ADD3: variants seen among roughly 807,000 people sequenced by gnomAD.
ADD3 encodes adducin 3, also known as gamma-adducin.
ADD3 carries 25 observed loss-of-function variants against 80.2 expected under a neutral mutation model. The observed-to-expected ratio is 0.31, with a 90% CI of 0.23 to 0.44. ADD3 has a LOEUF of 0.44. Ranked by LOEUF, ADD3 falls within the 20% of genes least tolerant of loss-of-function variation. The pLI is 1.00. For missense variants in ADD3, 829 were observed against 847.5 expected, an observed-to-expected ratio of 0.98 and a Z score of 0.27; for synonymous variants, 284 against 289.6, an observed-to-expected ratio of 0.98 and a Z score of 0.20.
intron 1 of ADD3, among the ~76,000 whole-genome samples, chr10:110,013,338 A>G (rs1589719877): frequency 1.3e-5 from 2 of 152,090 alleles, no homozygotes; most frequent in East Asian, 3.9e-4. Context: ...CCTGACCTCA[A>G]GTGTTCCTCC....
chr10:110,011,814 G>C (rs954129134), intron 1 of ADD3, among the ~76,000 whole-genome samples: 3 of 152,296 alleles, frequency 2.0e-5, no homozygotes, highest in Non-Finnish European at 4.4e-5. Flanking sequence ...TCTATGGTTT[G>C]AACTCCGGGT....
At chr10:110,105,862 A>G (rs900910502) in intron 2 of ADD3, 11 of 152,214 alleles carry the variant, frequency 7.2e-5, no homozygotes, top group African/African-American at 2.2e-4. Flanking sequence ...GGTATTCTTA[A>G]CTTTATTTAC....
chr10:110,121,007 G>T (rs1163737665), intron 8 of ADD3, among the ~76,000 whole-genome samples: 2 of 151,748 alleles, frequency 1.3e-5, no homozygotes, highest in East Asian at 1.9e-4. Context: ...ATTCAAGATG[G>T]ATTAAAGATT....
chr10:110,063,752 T>TATAATATATATATATATATATATATA (rs1459182551), intron 1 of ADD3, among the ~76,000 whole-genome samples: 1 of 52,002 alleles, frequency 1.9e-5, no homozygotes, highest in African/African-American at 6.1e-5. Context: ...TATATATATA[T>TATAATATATATATATATATATATATA]ATATATATAT....
intron 1 of ADD3, among the ~76,000 whole-genome samples, chr10:110,039,699 AG>A (rs1856065959): frequency 6.6e-6 from 1 of 152,246 alleles, no homozygotes; most frequent in Non-Finnish European, 1.5e-5. Context: ...ATCCAAGAGC[AG>A]CTTTGCTGGG....
At chr10:110,068,251 C>CTTCTG (rs1472901558) in intron 1 of ADD3, among the ~76,000 whole-genome samples, 3 of 152,140 alleles carry the variant, frequency 2.0e-5, no homozygotes, top group Admixed American at 6.5e-5. Context: ...CTTTGCTTCT[C>CTTCTG]AGAAGTTCAG....
At chr10:110,001,466 A>G (rs1851483990), upstream of ADD3, among the ~76,000 whole-genome samples, 1 of 151,924 alleles carries the variant, frequency 6.6e-6, no homozygotes, top group South Asian at 2.1e-4. Flanking sequence ...AATATTTTGC[A>G]CACATTTATG....
At chr10:110,065,880 T>G (rs115655424) in intron 1 of ADD3, among the ~76,000 whole-genome samples, 3,433 of 152,062 alleles carry the variant, frequency 0.023, 134 homozygotes, top group African/African-American at 0.079. Flanking sequence ...TCTTTGTGTC[T>G]CTGTGCTTCA....
At chr10:110,077,238 G>A (rs945332342) in intron 1 of ADD3, 3 of 152,080 alleles carry the variant, frequency 2.0e-5, no homozygotes, top group Admixed American at 2.0e-4. Context: ...TTCTTTGGGA[G>A]GAGCCTCTGG....
chr10:110,119,575 T>A lies in ADD3; in HGVS notation c.960+11T>A, dbSNP rs1277915966. 3 of 1,598,608 alleles carry A rather than the reference T, an allele frequency of 1.9e-6. No homozygotes were observed. In the South Asian group the frequency reaches 3.4e-5, roughly 18 times the overall value. ...GCCTGTGAGATTCAGGTAGGAAACA[T>A]TATTCCCCTTTTTTAATTGCTTTGT... On this transcript the variant is annotated intron_variant, in intron 8 of 14. Coordinates refer to ENST00000356080, the MANE Select transcript of ADD3 (RefSeq NM_016824.5).
chr10:110,083,151 A>G (rs993203936), intron 1 of ADD3, among the ~76,000 whole-genome samples: 1 of 152,244 alleles, frequency 6.6e-6, no homozygotes, highest in African/African-American at 2.4e-5. Context: ...GACTATGACA[A>G]AGTGATTTGA....
chr10:110,126,282 G>T (rs1852144895), intron 11 of ADD3, 135 bp from the exon 12 acceptor site: 1 of 660,632 alleles, frequency 1.5e-6, no homozygotes, highest in South Asian at 1.9e-5. Context: ...GGTAAAAGAG[G>T]TCTTTATGGA....
intron 1 of ADD3, among the ~76,000 whole-genome samples, chr10:110,063,778 T>TATATATATATATATATAC (rs1843560260): frequency 9.6e-6 from 1 of 104,128 alleles, no homozygotes; most frequent in Non-Finnish European, 1.9e-5. Context: ...TATATATATA[T>TATATATATATATATATAC]ATATAAAGTG....
At chr10:110,082,307 C>T (rs1204768940) in intron 1 of ADD3, among the ~76,000 whole-genome samples, 1 of 151,884 alleles carries the variant, frequency 6.6e-6, no homozygotes, top group Non-Finnish European at 1.5e-5. Flanking sequence ...AAAGTCATGA[C>T]AGTTAAAAAG....
chr10:110,042,687 G>GTTT (rs35414440), intron 1 of ADD3, among the ~76,000 whole-genome samples: 5 of 140,600 alleles, frequency 3.6e-5, no homozygotes, highest in East Asian at 2.0e-4. Flanking sequence ...GTCTGGTGCT[G>GTTT]TTTTTTTTTT....
chr10:110,061,449 T>G (rs73349499), intron 1 of ADD3, among the ~76,000 whole-genome samples: 120 of 152,324 alleles, frequency 7.9e-4, no homozygotes, highest in African/African-American at 2.8e-3. Flanking sequence ...GAGTCAGCTT[T>G]CCTTTGGGAA....
At chr10:110,049,153 C>T (rs1857215528) in intron 1 of ADD3, among the ~76,000 whole-genome samples, 1 of 152,196 alleles carries the variant, frequency 6.6e-6, no homozygotes, top group Non-Finnish European at 1.5e-5. Flanking sequence ...TGGTTTTGAG[C>T]CTGTGGGTGC....
upstream of ADD3, among the ~76,000 whole-genome samples, chr10:110,001,469 C>A (rs965886931): frequency 6.6e-6 from 1 of 151,432 alleles, no homozygotes; most frequent in Non-Finnish European, 1.5e-5. Flanking sequence ...ATTTTGCACA[C>A]ATTTATGCAG....
intron 1 of ADD3, among the ~76,000 whole-genome samples, chr10:110,013,261 A>G (rs1245070273): frequency 6.6e-6 from 1 of 151,466 alleles, no homozygotes; most frequent in Non-Finnish European, 1.5e-5. Context: ...TGCCACCACT[A>G]CCGGCTCATT....
Sources: gnomAD v4.1 joint callset for allele counts (sites outside exome capture counted in the v4.1 genomes callset) on GRCh38, gnomAD v4.1.1 for gene constraint, MANE v1.5 for transcripts, NCBI Gene and HGNC (gene_info 2026-07-23, HGNC 2026-07-21) for gene names.